Variants in DGKI observed in about 807,000 individuals in gnomAD.
DGKI encodes the protein DAG kinase iota.
A neutral mutation model predicts 147.5 loss-of-function variants in DGKI; 55 were observed. The ratio of observed to expected loss-of-function variants is 0.37; its 90% CI spans 0.30 to 0.47. The LOEUF (loss-of-function observed/expected upper bound fraction) is 0.47, where lower values mean the gene tolerates loss of function less well. DGKI is among the 20% of genes least tolerant of loss of function. DGKI has a pLI of 1.00. For missense variants in DGKI, 1,007 were observed against 1,323.8 expected (o/e 0.76, Z 3.71); for synonymous variants, 469 against 477.1 (o/e 0.98, Z 0.22).
intron 3 of DGKI, among the ~76,000 whole-genome samples, chr7:137,665,935 C>T (rs1247381014): frequency 6.6e-6 from 1 of 152,164 alleles, no homozygotes; most frequent in Non-Finnish European, 1.5e-5. Context: ...AATCGGGGCT[C>T]ATAGGAGAAA....
intron 30 of DGKI, 64 bp from the exon 31 acceptor site, chr7:137,397,477 A>T: frequency 6.6e-7 from 1 of 1,514,634 alleles, no homozygotes; most frequent in Non-Finnish European, 9.1e-7. Context: ...TTAACAGAAA[A>T]TCTATAGTCA....
intron 6 of DGKI, among the ~76,000 whole-genome samples, chr7:137,629,640 T>C (rs1471815130): frequency 6.6e-6 from 1 of 152,202 alleles, no homozygotes; most frequent in South Asian, 2.1e-4. Context: ...TAACCAACTA[T>C]CTACTGACTT....
At chr7:137,563,182 A>G (rs1399355084) in intron 19 of DGKI, among the ~76,000 whole-genome samples, 1 of 152,006 alleles carries the variant, frequency 6.6e-6, no homozygotes, top group Non-Finnish European at 1.5e-5. Context: ...ACAGATACAA[A>G]AAACCTTTGA....
chr7:137,838,159 C>T lies in DGKI; in HGVS notation c.401+8303G>A, dbSNP rs1370634532. Among the ~76,000 whole-genome samples the T allele has an allele frequency of 3.9e-5, 6 of 151,940 alleles. No individual in the cohort carries two copies. In the East Asian group the frequency reaches 1.2e-3, roughly 29 times the overall value. On this transcript the variant is annotated intron_variant, in intron 1 of 32. Coordinates refer to ENST00000614521, the MANE Select transcript of DGKI (RefSeq NM_001321708.2). The stretch of plus-strand genomic sequence containing the variant: ...CTGGGACTACAAGTGTGCACCACCA[C>T]ACCCAGGTAATTTTTCTTGTATTTT...
At chr7:137,398,683 C>T (rs1462690139) in intron 30 of DGKI, among the ~76,000 whole-genome samples, 3 of 151,982 alleles carry the variant, frequency 2.0e-5, no homozygotes, top group African/African-American at 4.8e-5. Flanking sequence ...TCATAATTCT[C>T]CTGGTCATCC....
chr7:137,472,407 GTATATATACATATACATAT>G (rs1288667416), intron 23 of DGKI, among the ~76,000 whole-genome samples: 15 of 124,796 alleles, frequency 1.2e-4, no homozygotes, highest in Non-Finnish European at 2.2e-4. Context: ...ATTATTATAT[GTATATATACATATACATAT>G]TATATGTACA....
At chr7:137,407,291 C>T (rs180892946) in intron 30 of DGKI, among the ~76,000 whole-genome samples, 1 of 152,182 alleles carries the variant, frequency 6.6e-6, no homozygotes, top group East Asian at 1.9e-4. Context: ...TTCCTGCAAA[C>T]GATCTGGCAC....
chr7:137,843,699 T>C (rs1463987861), intron 1 of DGKI, among the ~76,000 whole-genome samples: 4 of 151,388 alleles, frequency 2.6e-5, no homozygotes, highest in Non-Finnish European at 5.9e-5. Context: ...TCCTCATTTA[T>C]TTTTAAACCC....
At chr7:137,433,220 A>C (rs1813148710) in intron 28 of DGKI, among the ~76,000 whole-genome samples, 1 of 152,242 alleles carries the variant, frequency 6.6e-6, no homozygotes. Flanking sequence ...ACAAAAATGC[A>C]AACAAAAAAT....
chr7:137,434,895 G>A (rs1585112742), intron 28 of DGKI, among the ~76,000 whole-genome samples: 2 of 152,158 alleles, frequency 1.3e-5, no homozygotes, highest in African/African-American at 4.8e-5. Context: ...GTGAAAGAAG[G>A]CTAACTAAGA....
chr7:137,528,300 G>A (rs909387540), intron 20 of DGKI, among the ~76,000 whole-genome samples: 14 of 152,132 alleles, frequency 9.2e-5, no homozygotes, highest in African/African-American at 3.1e-4. Context: ...AAAGACAGAA[G>A]AACCTACAAA....
chr7:137,676,193 G>A (rs763135975), intron 3 of DGKI, among the ~76,000 whole-genome samples: 2 of 152,100 alleles, frequency 1.3e-5, no homozygotes, highest in East Asian at 1.9e-4. Flanking sequence ...GGCAGCTGAT[G>A]ATGAGCCTGC....
chr7:137,720,509 C>T (rs578095797), intron 1 of DGKI, among the ~76,000 whole-genome samples: 6 of 152,128 alleles, frequency 3.9e-5, no homozygotes, highest in South Asian at 4.2e-4. Context: ...CTGCCCGCCT[C>T]GGCCTCCCAA....
chr7:137,709,101 C>T (rs1014933706), intron 1 of DGKI, among the ~76,000 whole-genome samples: 2 of 152,058 alleles, frequency 1.3e-5, no homozygotes, highest in African/African-American at 4.8e-5. Context: ...AAAGAGAAGA[C>T]TACATTTTAC....
chr7:137,399,809 C>G (rs1005209674), intron 30 of DGKI, among the ~76,000 whole-genome samples: 2 of 151,708 alleles, frequency 1.3e-5, no homozygotes, highest in African/African-American at 4.8e-5. Flanking sequence ...ACTCAGGAGG[C>G]TGAGGCAGGA....
intron 8 of DGKI, among the ~76,000 whole-genome samples, chr7:137,618,254 T>A: frequency 7.0e-6 from 1 of 143,502 alleles, no homozygotes; most frequent in Non-Finnish European, 1.5e-5. Flanking sequence ...TCCTCCACAG[T>A]CAGGCCTGAG....
chr7:137,552,795 G>A (rs1468623184), intron 19 of DGKI, among the ~76,000 whole-genome samples: 1 of 151,216 alleles, frequency 6.6e-6, no homozygotes, highest in East Asian at 1.9e-4. Context: ...GGCACCTGTA[G>A]TCCCAGCTAC....
chr7:137,402,400 C>T (rs946837593), intron 30 of DGKI, among the ~76,000 whole-genome samples: 7 of 152,138 alleles, frequency 4.6e-5, no homozygotes, highest in South Asian at 2.1e-4. Context: ...CCAGGGAATG[C>T]GAAAGGAAGC....
At chr7:137,511,619 G>A (rs537856131) in intron 21 of DGKI, among the ~76,000 whole-genome samples, 1 of 152,304 alleles carries the variant, frequency 6.6e-6, no homozygotes, top group South Asian at 2.1e-4. Flanking sequence ...GTGTTCAATA[G>A]ATCGTTGTTA....
Sources: allele counts gnomAD v4.1 joint callset (sites outside exome capture counted in the v4.1 genomes callset), GRCh38; gene constraint gnomAD v4.1.1; transcripts MANE v1.5; gene names NCBI Gene and HGNC (gene_info 2026-07-23, HGNC 2026-07-21).